The following GRIP1 variants were observed in gnomAD, a reference collection of about 807,000 sequenced individuals.
GRIP1 encodes the protein glutamate receptor-interacting protein 1.
GRIP1 carries 45 observed loss-of-function variants against 129.9 expected under a neutral mutation model. The observed-to-expected ratio is 0.35, with a 90% confidence interval of 0.27 to 0.44. The LOEUF (loss-of-function observed/expected upper bound fraction) is 0.44, where lower values mean the gene tolerates loss of function less well. GRIP1 is among the 20% of genes least tolerant of loss of function. GRIP1 has a pLI of 1.00. For missense variants in GRIP1, 1,196 were observed against 1,396.8 expected, an observed-to-expected ratio of 0.86 and a Z score of 2.29; for synonymous variants, 530 against 520.8, an observed-to-expected ratio of 1.02 and a Z score of -0.24.
chr12:66,559,679 C>T (rs765883321), intron 2 of GRIP1, among the ~76,000 whole-genome samples: 1 of 151,846 alleles, frequency 6.6e-6, no homozygotes, highest in African/African-American at 2.4e-5. Context: ...AGAGGACACA[C>T]AAAAAATGGA....
At chr12:66,805,385 T>TTA (rs2038969173), upstream of GRIP1, among the ~76,000 whole-genome samples, 1 of 151,970 alleles carries the variant, frequency 6.6e-6, no homozygotes, top group African/African-American at 2.4e-5. Context: ...CATGAATAAT[T>TTA]TTTTTTTCTC....
At chr12:66,547,234 A>T (rs760753404) in intron 2 of GRIP1, among the ~76,000 whole-genome samples, 7 of 152,200 alleles carry the variant, frequency 4.6e-5, no homozygotes, top group Non-Finnish European at 8.8e-5. Context: ...ATATCATTAC[A>T]CACTTATCAG....
chr12:66,578,790 G>A (rs2063245421), intron 2 of GRIP1, among the ~76,000 whole-genome samples: 1 of 152,218 alleles, frequency 6.6e-6, no homozygotes, highest in African/African-American at 2.4e-5. Flanking sequence ...ACAGCTCAAG[G>A]AGGCCTGCCT....
At chr12:66,365,291 C>G (rs554652091) in intron 23 of GRIP1, among the ~76,000 whole-genome samples, 2 of 151,984 alleles carry the variant, frequency 1.3e-5, no homozygotes, top group East Asian at 3.9e-4. Flanking sequence ...CAAAAAATTA[C>G]CCGGGCATGG....
chr12:66,489,279 G>A (rs1592418989), intron 7 of GRIP1, among the ~76,000 whole-genome samples: 1 of 152,100 alleles, frequency 6.6e-6, no homozygotes, highest in South Asian at 2.1e-4. Flanking sequence ...TATCCACCAT[G>A]ATCAAGTTGG....
intron 16 of GRIP1, among the ~76,000 whole-genome samples, chr12:66,397,755 A>G (rs2056848866): frequency 6.6e-6 from 1 of 152,230 alleles, no homozygotes; most frequent in Non-Finnish European, 1.5e-5. Flanking sequence ...GGTGAGGTGG[A>G]GAAACCAGAC....
At chr12:67,034,040 A>G (rs957276075) in intron 1 of GRIP1, among the ~76,000 whole-genome samples, 37 of 152,210 alleles carry the variant, frequency 2.4e-4, no homozygotes, top group African/African-American at 8.9e-4. Context: ...AATGATTGTA[A>G]GACCCCTCTC....
chr12:67,054,467 A>G (rs958495059), intron 1 of GRIP1, among the ~76,000 whole-genome samples: 6 of 152,130 alleles, frequency 3.9e-5, no homozygotes, highest in Non-Finnish European at 8.8e-5. Flanking sequence ...TAAAAATAAA[A>G]ACACTACAGC....
At chr12:66,533,672 T>C (rs998804824) in intron 4 of GRIP1, among the ~76,000 whole-genome samples, 2 of 151,850 alleles carry the variant, frequency 1.3e-5, no homozygotes, top group East Asian at 3.9e-4. Context: ...AATACATAAA[T>C]ATCTAAGATA....
chr12:66,949,753 GCTC>G (rs1487343197), intron 1 of GRIP1, among the ~76,000 whole-genome samples: 7 of 143,568 alleles, frequency 4.9e-5, no homozygotes, highest in African/African-American at 1.5e-4. Context: ...AACACTGCAT[GCTC>G]CTCCTTTTTT....
At chr12:66,703,458 G>A (rs1036431098) in intron 1 of GRIP1, among the ~76,000 whole-genome samples, 5 of 152,114 alleles carry the variant, frequency 3.3e-5, no homozygotes, top group African/African-American at 2.4e-5. Flanking sequence ...AGGGAGAGGA[G>A]GGAAGATCCG....
At chr12:66,954,752 A>AT (rs1025212796) in intron 1 of GRIP1, among the ~76,000 whole-genome samples, 1 of 152,198 alleles carries the variant, frequency 6.6e-6, no homozygotes, top group Non-Finnish European at 1.5e-5. Context: ...CCTTCCCTTG[A>AT]TAAGTTACAA....
chr12:66,549,167 G>A (rs139669251), intron 2 of GRIP1, among the ~76,000 whole-genome samples: 373 of 152,246 alleles, frequency 2.4e-3, no homozygotes, highest in Non-Finnish European at 4.5e-3. Flanking sequence ...AATAGTGCCT[G>A]GAACATTCAC....
At chr12:66,679,317 T>C (rs149567608), upstream of GRIP1, among the ~76,000 whole-genome samples, 952 of 152,214 alleles carry the variant, frequency 6.3e-3, 11 homozygotes, top group African/African-American at 0.022. Context: ...CATCAGCCCC[T>C]TTCCTTCTCA....
At chr12:66,361,942 T>C (rs2054794446) in intron 23 of GRIP1, among the ~76,000 whole-genome samples, 2 of 152,060 alleles carry the variant, frequency 1.3e-5, no homozygotes, top group Admixed American at 1.3e-4. Context: ...CCAGGCACAC[T>C]GTCATTCAGA....
At chr12:66,638,172 G>A in intron 1 of GRIP1, among the ~76,000 whole-genome samples, 1 of 152,170 alleles carries the variant, frequency 6.6e-6, no homozygotes, top group East Asian at 1.9e-4. Context: ...GGGTGAGAGC[G>A]ATGGCAAGTT....
intron 1 of GRIP1, among the ~76,000 whole-genome samples, chr12:66,874,801 C>A (rs1258045715): frequency 1.3e-5 from 2 of 152,054 alleles, no homozygotes; most frequent in Non-Finnish European, 2.9e-5. Context: ...GACCCACCTC[C>A]AACACTGGGG....
chr12:66,792,436 A>T lies in GRIP1; in HGVS notation c.-420+11617T>A, dbSNP rs185678065. On this transcript the variant is annotated intron_variant, in intron 1 of 4. Coordinates refer to the GRIP1 transcript ENST00000538373. ...TTAAAATTTTTTGTAGGAGCTGGGCATGGTGGCTCACACCTGTAATCACAG... is the reference window on the plus strand; with the variant it reads ...TTAAAATTTTTTGTAGGAGCTGGGCTTGGTGGCTCACACCTGTAATCACAG... Among the ~76,000 whole-genome samples the T allele has an allele frequency of 6.6e-5, 10 of 152,192 alleles. No homozygotes were observed. The East Asian group carries it at 1.9e-3, about 29-fold the overall frequency.
Position 67,065,742 on chromosome 12 carries a change from A to G in GRIP1, c.58+3308T>C, listed in dbSNP as rs895513236. On this transcript the variant is annotated intron_variant, in intron 1 of 1. Coordinates refer to the GRIP1 transcript ENST00000643019. ...ACAAGTAAGAAGGTATGGTACCGGC[A>G]AAAGAAAAGCATCATTAATTACAGA... Among the ~76,000 whole-genome samples the G allele has an allele frequency of 3.3e-5, 5 of 152,322 alleles. No individual in the cohort carries two copies. The East Asian group carries it at 5.8e-4, about 18-fold the overall frequency.
Sources: gnomAD v4.1 joint callset for allele counts (sites outside exome capture counted in the v4.1 genomes callset) on GRCh38, gnomAD v4.1.1 for gene constraint, MANE v1.5 for transcripts, NCBI Gene and HGNC (gene_info 2026-07-23, HGNC 2026-07-21) for gene names.